ARIH1: variants seen among roughly 807,000 people sequenced by gnomAD.
The protein encoded by ARIH1 is E3 ubiquitin-protein ligase ARIH1.
Under a neutral mutation model 85.0 loss-of-function variants are expected in ARIH1, and 8 were observed. The ratio of observed to expected loss-of-function variants is 0.09; its 90% CI spans 0.06 to 0.17. The LOEUF is 0.17. Among genes scored for constraint, ARIH1 ranks in the 10% least tolerant of loss-of-function variants. ARIH1 has a pLI of 1.00. For synonymous variants in ARIH1, 238 were observed against 253.6 expected (o/e 0.94, Z 0.59); for missense variants, 311 against 718.1 (o/e 0.43, Z 6.48).
rs576598463 is a variant in ARIH1 at position 72,575,636 on chromosome 15, A to G, written c.1215+3471A>G. ...TTCATGTTGAATTTTAGTGAGAAGC[A>G]GTTTCAGAATTCTTAGATTAAGTCA... On this transcript the variant is annotated intron_variant, in intron 11 of 13. Coordinates refer to ENST00000379887, the MANE Select transcript of ARIH1 (RefSeq NM_005744.5). Among the ~76,000 whole-genome samples, 10 of 150,856 alleles carry G rather than the reference A, an allele frequency of 6.6e-5. No individual in the cohort carries two copies. The East Asian group carries it at 1.2e-3, about 18-fold the overall frequency.
At chr15:72,581,927 A>T in intron 12 of ARIH1, 148 bp from the exon 13 acceptor site, 1 of 494,730 alleles carries the variant, frequency 2.0e-6, no homozygotes, top group Non-Finnish European at 3.7e-6. Context: ...TAGAGATGAA[A>T]GCCCATAGAG....
chr15:72,507,012 GTATGTATGTATT>G (rs750975885), intron 1 of ARIH1, among the ~76,000 whole-genome samples: 670 of 44,222 alleles, frequency 0.015, 2 homozygotes, highest in Middle Eastern at 0.067. Context: ...ATGTATGTAT[GTATGTATGTATT>G]TATTTATTTA....
At position 72,561,820 on chromosome 15, in the gene ARIH1, A is replaced by C. The variant is rs2577577; in HGVS notation, c.804+271A>C. On this transcript the variant is annotated intron_variant, in intron 6 of 13. Coordinates refer to ENST00000379887, the MANE Select transcript of ARIH1 (RefSeq NM_005744.5). ...AAACCCTGTCTCTTCTAAAAATACA[A>C]AAATTAGCTGGGCACAGTGGCACAA... is the stretch of plus-strand genomic sequence containing the variant. Among the ~76,000 whole-genome samples the C allele has an allele frequency of 2.2e-3, 337 of 152,186 alleles. 1 individual carries two copies. Among genetic ancestry groups the C allele is most frequent in the African/African-American group, 7.9e-3 (330 of 41,538 alleles).
At chr15:72,563,591 G>A in intron 7 of ARIH1, 91 bp downstream of exon 7, 1 of 1,062,742 alleles carries the variant, frequency 9.4e-7, no homozygotes, top group Admixed American at 1.9e-5. Context: ...GAAAAAAAGT[G>A]TTTACCTTAG....
In ARIH1 at chr15:72,474,711, CGAG is replaced by C. The variant is rs143905502; in HGVS notation, c.84_86del (p.Glu28del). ...AGTGCAGTGAGGAGGACAGCGGCGC[CGAG>C]GAGGAGGAGGACGAAGACGACGACG... On this transcript the variant is annotated inframe_deletion, in exon 1 of 14. Transcript: ENST00000379887. The C allele has an allele frequency of 1.2e-3, 1,941 of 1,558,990 alleles. 1 individual carries two copies. Among genetic ancestry groups the C allele is most frequent in the South Asian group, 1.1e-3 (97 of 84,488 alleles).
At chr15:72,550,765 G>A (rs1186810303) in intron 3 of ARIH1, among the ~76,000 whole-genome samples, 3 of 151,852 alleles carry the variant, frequency 2.0e-5, no homozygotes, top group South Asian at 4.2e-4. Flanking sequence ...TCCGCCTCCC[G>A]GGTTCAAGTG....
rs561056560 is a variant in ARIH1, at chr15:72,597,983, G to T, written c.*14691G>T. The T allele has an allele frequency of 2.0e-5, 3 of 152,206 alleles. No homozygotes were observed. The highest frequency in any genetic ancestry group is 7.3e-5 in the African/African-American group (3 of 41,368). The allele number at this position is 152,206 out of a possible 1,614,324, so 9.4% of individuals were successfully genotyped here. On this transcript the variant is annotated 3_prime_UTR_variant, in exon 14 of 14. Coordinates refer to ENST00000379887, the MANE Select transcript of ARIH1 (RefSeq NM_005744.5). ...GTTTTTGTTTTTATTTTGAGACAGG[G>T]TCTCACTCTTACCCAGCCTGGAGTA...
rs2064020884 is a variant in ARIH1, at chr15:72,525,008, T to C, written c.443+6874T>C. On this transcript the variant is annotated intron_variant, in intron 2 of 13. Coordinates refer to ENST00000379887, the MANE Select transcript of ARIH1 (RefSeq NM_005744.5). ...CAAATGATTCTCCCGCCTTAGCCTCTCCCAAGTATCTGGAACTACAGGTGC... is the reference window on the plus strand; with the variant it reads ...CAAATGATTCTCCCGCCTTAGCCTCCCCCAAGTATCTGGAACTACAGGTGC... Among the ~76,000 whole-genome samples the C allele has an allele frequency of 2.0e-5, 3 of 152,156 alleles. No individual in the cohort carries two copies. In the South Asian group the frequency reaches 6.2e-4, roughly 32 times the overall value.
At chr15:72,555,768 A>G (rs565099600) in intron 4 of ARIH1, 84 bp from the exon 5 acceptor site, 142 of 1,168,814 alleles carry the variant, frequency 1.2e-4, no homozygotes, top group Admixed American at 2.8e-4. Flanking sequence ...AGGTATTCCC[A>G]GAACCTAGCA....
chr15:72,574,558 C>G (rs571152547), intron 11 of ARIH1, among the ~76,000 whole-genome samples: 1 of 152,306 alleles, frequency 6.6e-6, no homozygotes, highest in South Asian at 2.1e-4. Context: ...AAATTGTTGA[C>G]TCATTATATT....
chr15:72,527,080 T>A (rs1170097735), intron 2 of ARIH1, among the ~76,000 whole-genome samples: 3 of 152,226 alleles, frequency 2.0e-5, no homozygotes, highest in Non-Finnish European at 4.4e-5. Flanking sequence ...TTATTTCATC[T>A]GTCATATCTT....
intron 5 of ARIH1, among the ~76,000 whole-genome samples, chr15:72,561,156 A>G (rs143820802): frequency 1.2e-3 from 182 of 152,328 alleles, no homozygotes; most frequent in African/African-American, 4.3e-3. Flanking sequence ...ATGATATGAT[A>G]TCAGAGTCAA....
chr15:72,601,402 C>T lies in ARIH1; in HGVS notation c.*18110C>T, dbSNP rs1056584588. ...GTGGATCTGCACTCCTACCTCTTCT[C>T]CTATTGCAACCAACCCTGTTACCTT... is the stretch of plus-strand genomic sequence containing the variant. On this transcript the variant is annotated 3_prime_UTR_variant, in exon 14 of 14. Transcript: ENST00000379887. 8.5e-5 allele frequency: 13 copies of T among 152,336 alleles called. No individual in the cohort carries two copies. Among genetic ancestry groups the T allele is most frequent in the African/African-American group, 2.9e-4 (12 of 41,578 alleles). 9.4% of individuals were successfully genotyped at this position (152,336 alleles called of 1,614,324 possible).
At chr15:72,577,858 G>A (rs138664229) in intron 11 of ARIH1, among the ~76,000 whole-genome samples, 154 of 152,248 alleles carry the variant, frequency 1.0e-3, no homozygotes, top group African/African-American at 3.6e-3. Flanking sequence ...AAAACCTTAC[G>A]AACCGTTTTG....
At chr15:72,542,608 CA>C (rs1248566868) in intron 2 of ARIH1, among the ~76,000 whole-genome samples, 5 of 152,054 alleles carry the variant, frequency 3.3e-5, no homozygotes, top group Non-Finnish European at 7.4e-5. Context: ...AAAATGTAGA[CA>C]TTTAAAGACA....
chr15:72,482,592 T>C lies in ARIH1; in HGVS notation c.375+7578T>C, dbSNP rs2063820577. ...ATGTAGAACCTGGGAGATTAAATAC[T>C]GTGATGAAAGGTAAGCAGAAGTCAT... On this transcript the variant is annotated intron_variant, in intron 1 of 13. Coordinates refer to ENST00000379887, the MANE Select transcript of ARIH1 (RefSeq NM_005744.5). Among the ~76,000 whole-genome samples the C allele has an allele frequency of 7.9e-5, 12 of 152,218 alleles. 1 individual carries two copies. Among genetic ancestry groups the C allele is most frequent in the Admixed American group, 7.8e-4 (12 of 15,288 alleles).
intron 2 of ARIH1, among the ~76,000 whole-genome samples, chr15:72,523,675 A>T (rs58410591): frequency 6.6e-6 from 1 of 152,150 alleles, no homozygotes; most frequent in Non-Finnish European, 1.5e-5. Context: ...CGGTGTGTCA[A>T]TGTAGGTTCA....
Position 72,593,048 on chromosome 15 carries a change from C to A in ARIH1, c.*9756C>A, listed in dbSNP as rs1227644797. The A allele has an allele frequency of 2.0e-5, 3 of 152,258 alleles. No homozygotes were observed. Among genetic ancestry groups the A allele is most frequent in the Non-Finnish European group, 1.5e-5 (1 of 68,004 alleles). The allele number at this position is 152,258 out of a possible 1,614,324, so 9.4% of individuals were successfully genotyped here. On this transcript the variant is annotated 3_prime_UTR_variant, in exon 14 of 14. Coordinates refer to ENST00000379887, the MANE Select transcript of ARIH1 (RefSeq NM_005744.5). ...TCCTATCAGTGATGTATGAGAGTTACAGTTGCTTCACATGTCTGTCAACAT... is the reference window on the plus strand; with the variant it reads ...TCCTATCAGTGATGTATGAGAGTTAAAGTTGCTTCACATGTCTGTCAACAT...
intron 2 of ARIH1, among the ~76,000 whole-genome samples, chr15:72,528,710 C>G (rs368484727): frequency 7.9e-5 from 12 of 152,172 alleles, no homozygotes; most frequent in African/African-American, 2.9e-4. Context: ...AAAAAATTAG[C>G]TAGGTGTGGT....
Sources: gnomAD v4.1 joint callset for allele counts (sites outside exome capture counted in the v4.1 genomes callset) on GRCh38, gnomAD v4.1.1 for gene constraint, MANE v1.5 for transcripts, NCBI Gene and HGNC (gene_info 2026-07-23, HGNC 2026-07-21) for gene names.